The following NR3C1 variants were observed in gnomAD, a reference collection of about 807,000 sequenced individuals.
NR3C1 encodes the protein nuclear receptor subfamily 3 group C member 1.
NR3C1 carries 14 observed loss-of-function variants against 74.0 expected under a neutral mutation model. That is an observed-to-expected ratio of 0.19 (90% CI 0.12 to 0.30). The LOEUF (loss-of-function observed/expected upper bound fraction) is 0.30, where lower values mean the gene tolerates loss of function less well. Among genes scored for constraint, NR3C1 ranks in the 10% least tolerant of loss-of-function variants. The pLI is 1.00. For missense variants in NR3C1, 695 were observed against 909.8 expected, an observed-to-expected ratio of 0.76 and a Z score of 3.04; for synonymous variants, 308 against 332.5, an observed-to-expected ratio of 0.93 and a Z score of 0.80.
intron 2 of NR3C1, among the ~76,000 whole-genome samples, chr5:143,368,882 T>C (rs978103918): frequency 1.3e-5 from 2 of 152,172 alleles, no homozygotes; most frequent in Non-Finnish European, 2.9e-5. Context: ...GAAGAACTTC[T>C]TGCTGCTGGA....
At chr5:143,359,259 T>C (rs970460350) in intron 2 of NR3C1, among the ~76,000 whole-genome samples, 3 of 152,238 alleles carry the variant, frequency 2.0e-5, no homozygotes, top group Admixed American at 1.3e-4. Flanking sequence ...CACCAAAATC[T>C]AGACTGTAAC....
At position 143,278,269 on chromosome 5, in the gene NR3C1, CCATA is replaced by C. The variant is rs1812629327; in HGVS notation, c.*3616_*3619del. 6.6e-6 allele frequency: 1 copy of C among 151,960 alleles called. No homozygotes were observed. The highest frequency in any genetic ancestry group is 2.4e-5 in the African/African-American group (1 of 41,358). The allele number at this position is 151,960 out of a possible 1,614,324, so 9.4% of individuals were successfully genotyped here. On this transcript the variant is annotated 3_prime_UTR_variant, in exon 9 of 9. Transcript: ENST00000394464. ...ATAATGAAAAAGCTTCTTAATAATG[CCATA>C]CACAGTATAATATAGATTTGTCCCC...
chr5:143,382,807 G>A (rs1390089971), intron 2 of NR3C1, among the ~76,000 whole-genome samples: 1 of 152,224 alleles, frequency 6.6e-6, no homozygotes, highest in African/African-American at 2.4e-5. Flanking sequence ...CTGGGTACAG[G>A]GATGAAGACT....
chr5:143,354,850 G>A (rs565349855), intron 2 of NR3C1, among the ~76,000 whole-genome samples: 88 of 151,308 alleles, frequency 5.8e-4, no homozygotes, highest in African/African-American at 1.9e-3. Flanking sequence ...TTGAACCTGG[G>A]AGGCAGAGGT....
intron 1 of NR3C1, among the ~76,000 whole-genome samples, chr5:143,419,533 G>A (rs935809019): frequency 1.3e-5 from 2 of 152,148 alleles, no homozygotes; most frequent in African/African-American, 4.8e-5. Context: ...AAATTTTAAA[G>A]CTGGGCGTCT....
At chr5:143,295,766 T>G (rs1817033774) in intron 6 of NR3C1, among the ~76,000 whole-genome samples, 176 bp from the exon 7 acceptor site, 1 of 152,236 alleles carries the variant, frequency 6.6e-6, no homozygotes, top group African/African-American at 2.4e-5. Flanking sequence ...TTAAACTTCC[T>G]GCATCTTGGC....
In NR3C1 at chr5:143,315,450, A is replaced by G. The variant is rs537615276; in HGVS notation, c.1185-1282T>C. On this transcript the variant is annotated intron_variant, in intron 2 of 8. Coordinates refer to ENST00000394464, the MANE Select transcript of NR3C1 (RefSeq NM_000176.3). ...TTGATTCTGGAATTCTACATATTAA[A>G]GTCCGTTTTGCTTATCATCTATACA... 2.3e-4 allele frequency among the ~76,000 whole-genome samples: 35 copies of G among 152,254 alleles called. 1 individual carries two copies. The highest frequency in any genetic ancestry group is 2.3e-3 in the Admixed American group (35 of 15,288).
intron 2 of NR3C1, among the ~76,000 whole-genome samples, chr5:143,342,024 T>C (rs1828323588): frequency 6.6e-6 from 1 of 152,114 alleles, no homozygotes; most frequent in South Asian, 2.1e-4. Flanking sequence ...TGATGCCATG[T>C]TCAAAATGAC....
chr5:143,376,844 C>G (rs189762349), intron 2 of NR3C1, among the ~76,000 whole-genome samples: 2 of 152,274 alleles, frequency 1.3e-5, no homozygotes, highest in Non-Finnish European at 2.9e-5. Context: ...GACTGATTCA[C>G]CATCTGTGAC....
At chr5:143,363,957 G>T (rs1832737066) in intron 2 of NR3C1, among the ~76,000 whole-genome samples, 1 of 152,092 alleles carries the variant, frequency 6.6e-6, no homozygotes, top group African/African-American at 2.4e-5. Context: ...GTGACAGAAG[G>T]AGCGGAAAGG....
chr5:143,352,054 T>G (rs750436008), intron 2 of NR3C1, among the ~76,000 whole-genome samples: 12 of 152,222 alleles, frequency 7.9e-5, no homozygotes, highest in Non-Finnish European at 1.8e-4. Context: ...GCTTAATCCC[T>G]TCACAACATT....
At chr5:143,396,978 G>A (rs988598716) in intron 2 of NR3C1, among the ~76,000 whole-genome samples, 2 of 151,838 alleles carry the variant, frequency 1.3e-5, no homozygotes, top group African/African-American at 4.8e-5. Flanking sequence ...TATTAAGTTA[G>A]AATGACTAGT....
At chr5:143,361,538 C>T (rs1009617046) in intron 2 of NR3C1, among the ~76,000 whole-genome samples, 9 of 152,228 alleles carry the variant, frequency 5.9e-5, no homozygotes, top group Admixed American at 5.9e-4. Context: ...GCACCCAACT[C>T]TCTGAGCTAC....
chr5:143,313,381 C>G (rs1257474523), intron 3 of NR3C1, among the ~76,000 whole-genome samples: 1 of 152,120 alleles, frequency 6.6e-6, no homozygotes, highest in Non-Finnish European at 1.5e-5. Flanking sequence ...AATACCTTTC[C>G]TGACCTCCTC....
At chr5:143,390,630 T>G (rs1243108961) in intron 2 of NR3C1, among the ~76,000 whole-genome samples, 1 of 152,140 alleles carries the variant, frequency 6.6e-6, no homozygotes, top group African/African-American at 2.4e-5. Flanking sequence ...CCTTAATAAC[T>G]TCAAGAAAAC....
At chr5:143,336,211 A>G (rs1175978561) in intron 2 of NR3C1, among the ~76,000 whole-genome samples, 3 of 152,240 alleles carry the variant, frequency 2.0e-5, no homozygotes, top group East Asian at 3.8e-4. Flanking sequence ...TGTTGTTCAC[A>G]TGATAATTCC....
intron 2 of NR3C1, among the ~76,000 whole-genome samples, chr5:143,366,334 C>T (rs1037853300): frequency 3.3e-5 from 5 of 152,006 alleles, no homozygotes; most frequent in Admixed American, 6.6e-5. Context: ...CATGGTGAAA[C>T]CCCGTCTCTA....
chr5:143,340,502 A>G (rs982994352), intron 2 of NR3C1, among the ~76,000 whole-genome samples: 2 of 38,956 alleles, frequency 5.1e-5, no homozygotes, highest in South Asian at 1.5e-3. Context: ...TTTTTTTTTG[A>G]GACAGAGTCT....
At chr5:143,402,698 AC>A (rs1840540105) in intron 1 of NR3C1, 5 of 985,072 alleles carry the variant, frequency 5.1e-6, no homozygotes, top group South Asian at 9.4e-5. Flanking sequence ...CCGCGTGTGC[AC>A]CCTCACGCGC....
Sources: gnomAD v4.1 joint callset for allele counts (sites outside exome capture counted in the v4.1 genomes callset) on GRCh38, gnomAD v4.1.1 for gene constraint, MANE v1.5 for transcripts, NCBI Gene and HGNC (gene_info 2026-07-23, HGNC 2026-07-21) for gene names.